GPC5: variants seen among roughly 807,000 people sequenced by gnomAD.
GPC5 encodes glypican 5, also known as glypican-5.
Under a neutral mutation model 53.9 loss-of-function variants are expected in GPC5, and 47 were observed. The observed-to-expected ratio is 0.87, with a 90% CI of 0.69 to 1.11. The LOEUF is 1.11. Ranked by LOEUF, GPC5 falls within the 50% of genes most tolerant of loss-of-function variation. The pLI is 0.00. For synonymous variants in GPC5, 286 were observed against 263.3 expected (o/e 1.09, Z -0.84); for missense variants, 748 against 713.1 (o/e 1.05, Z -0.56).
At chr13:92,541,447 T>A (rs1249110417) in intron 7 of GPC5, among the ~76,000 whole-genome samples, 1 of 151,934 alleles carries the variant, frequency 6.6e-6, no homozygotes, top group East Asian at 1.9e-4. Context: ...AATACATTGA[T>A]AATTTGCATG....
At chr13:92,673,091 T>C (rs1178145992) in intron 7 of GPC5, among the ~76,000 whole-genome samples, 1 of 152,176 alleles carries the variant, frequency 6.6e-6, no homozygotes, top group Non-Finnish European at 1.5e-5. Flanking sequence ...CAATAAGTTT[T>C]ATATTGATAT....
intron 7 of GPC5, among the ~76,000 whole-genome samples, chr13:92,273,747 G>A (rs1371622252): frequency 6.6e-6 from 1 of 152,108 alleles, no homozygotes. Flanking sequence ...TAAGTGCCAG[G>A]AGAAAAAGGA....
chr13:92,014,385 G>A (rs1032950989), intron 6 of GPC5, among the ~76,000 whole-genome samples: 3 of 152,114 alleles, frequency 2.0e-5, no homozygotes, highest in African/African-American at 7.2e-5. Context: ...TCTTCAGCCT[G>A]CCCACGTTGT....
chr13:92,828,056 C>A (rs924136679), intron 7 of GPC5, among the ~76,000 whole-genome samples: 1 of 152,068 alleles, frequency 6.6e-6, no homozygotes, highest in East Asian at 1.9e-4. Context: ...AAGAAACAGG[C>A]AAAGCTCACA....
intron 7 of GPC5, among the ~76,000 whole-genome samples, chr13:92,700,345 AGATGGGTCTCCTGCATACAGCACTCT>A (rs1214322057): frequency 1.4e-5 from 2 of 146,910 alleles, no homozygotes; most frequent in African/African-American, 5.1e-5. Flanking sequence ...TTTGCACATG[AGATGGGTCTCCTGCATACAGCACTCT>A]GATGGGTCTT....
chr13:92,091,558 T>C (rs1022819515), intron 6 of GPC5, among the ~76,000 whole-genome samples: 2 of 152,070 alleles, frequency 1.3e-5, no homozygotes, highest in Non-Finnish European at 2.9e-5. Flanking sequence ...AATATACCAG[T>C]CCCTGCTGGC....
At chr13:92,753,751 A>G (rs1301902608) in intron 7 of GPC5, among the ~76,000 whole-genome samples, 2 of 152,162 alleles carry the variant, frequency 1.3e-5, no homozygotes, top group Non-Finnish European at 2.9e-5. Flanking sequence ...GAAATGAATG[A>G]AATGAAGCGA....
intron 6 of GPC5, among the ~76,000 whole-genome samples, chr13:92,060,328 A>G (rs2138851799): frequency 6.6e-6 from 1 of 152,190 alleles, no homozygotes; most frequent in Non-Finnish European, 1.5e-5. Flanking sequence ...GAAATTTGAA[A>G]TACAAATTAA....
At chr13:91,978,020 G>T (rs1321808147) in intron 6 of GPC5, among the ~76,000 whole-genome samples, 2 of 151,928 alleles carry the variant, frequency 1.3e-5, no homozygotes, top group East Asian at 3.9e-4. Context: ...GGGCATAGTG[G>T]TGTACACTTG....
chr13:92,510,832 T>G (rs1370844096), intron 7 of GPC5, among the ~76,000 whole-genome samples: 1 of 152,188 alleles, frequency 6.6e-6, no homozygotes, highest in Non-Finnish European at 1.5e-5. Flanking sequence ...AGCATCTCCA[T>G]TACCAAATCA....
chr13:91,518,573 G>A (rs1885635100), intron 2 of GPC5, among the ~76,000 whole-genome samples: 1 of 151,936 alleles, frequency 6.6e-6, no homozygotes, highest in South Asian at 2.1e-4. Context: ...CTTTTTTTGA[G>A]ATGGAGTCTC....
At chr13:92,160,930 C>T (rs920520635) in intron 7 of GPC5, among the ~76,000 whole-genome samples, 4 of 152,078 alleles carry the variant, frequency 2.6e-5, no homozygotes, top group East Asian at 1.9e-4. Flanking sequence ...TATGGTCAAG[C>T]GTCTCTTCAA....
intron 7 of GPC5, among the ~76,000 whole-genome samples, chr13:92,485,282 A>T (rs947778113): frequency 1.3e-5 from 2 of 152,186 alleles, no homozygotes; most frequent in Non-Finnish European, 2.9e-5. Context: ...GGAAGTTGAC[A>T]TTTCAGGCAG....
At chr13:92,522,094 C>A (rs569718292) in intron 7 of GPC5, among the ~76,000 whole-genome samples, 1 of 152,068 alleles carries the variant, frequency 6.6e-6, no homozygotes, top group Non-Finnish European at 1.5e-5. Flanking sequence ...GTTAGAATGG[C>A]GATCGTTAAA....
chr13:92,012,867 C>T (rs1051098612), intron 6 of GPC5, among the ~76,000 whole-genome samples: 11 of 152,190 alleles, frequency 7.2e-5, no homozygotes, highest in African/African-American at 2.7e-4. Context: ...CTGCTGTGCT[C>T]ACCTCTTGTG....
At chr13:91,736,263 T>A (rs2036813162) in intron 4 of GPC5, among the ~76,000 whole-genome samples, 1 of 151,522 alleles carries the variant, frequency 6.6e-6, no homozygotes, top group East Asian at 1.9e-4. Flanking sequence ...CTGAACCTTC[T>A]GTATCTGAGA....
chr13:92,125,163 A>G (rs1324637659), intron 6 of GPC5, among the ~76,000 whole-genome samples: 1 of 152,198 alleles, frequency 6.6e-6, no homozygotes, highest in East Asian at 1.9e-4. Flanking sequence ...CTATAGCACA[A>G]CACCTGGCTT....
At chr13:92,795,649 C>G (rs1252739145) in intron 7 of GPC5, among the ~76,000 whole-genome samples, 1 of 152,048 alleles carries the variant, frequency 6.6e-6, no homozygotes, top group Non-Finnish European at 1.5e-5. Flanking sequence ...GAGCTAATAT[C>G]CAGAATCTAC....
intron 6 of GPC5, among the ~76,000 whole-genome samples, chr13:92,033,403 A>G (rs974567298): frequency 2.0e-5 from 3 of 152,200 alleles, no homozygotes; most frequent in African/African-American, 7.2e-5. Flanking sequence ...GATCTGTCAC[A>G]AAGTACTCTC....
Sources: gnomAD v4.1 joint callset for allele counts (sites outside exome capture counted in the v4.1 genomes callset) on GRCh38, gnomAD v4.1.1 for gene constraint, MANE v1.5 for transcripts, NCBI Gene and HGNC (gene_info 2026-07-23, HGNC 2026-07-21) for gene names.